FCHO2: variants seen among roughly 807,000 people sequenced by gnomAD.
FCHO2 encodes the protein FCH and mu domain containing endocytic adaptor 2.
FCHO2 carries 43 observed loss-of-function variants against 114.1 expected under a neutral mutation model. That is an observed-to-expected ratio of 0.38 (90% CI 0.30 to 0.49). The LOEUF is 0.49. Among genes scored for constraint, FCHO2 ranks in the 20% least tolerant of loss-of-function variants. The pLI, the probability that FCHO2 is intolerant of heterozygous loss-of-function variation, is 0.97. For synonymous variants in FCHO2, 293 were observed against 315.2 expected (o/e 0.93, Z 0.75); for missense variants, 807 against 950.4 (o/e 0.85, Z 1.98).
intron 24 of FCHO2, 30 bp from the exon 25 acceptor site, chr5:73,087,559 T>G: frequency 6.2e-7 from 1 of 1,608,936 alleles, no homozygotes; most frequent in Non-Finnish European, 8.5e-7. Flanking sequence ...TATTTTACCC[T>G]GTGTAAGTGC....
At chr5:73,021,295 C>T in intron 8 of FCHO2, 1 of 490,154 alleles carries the variant, frequency 2.0e-6, no homozygotes, top group South Asian at 1.9e-5. Context: ...CTGGGGAGCT[C>T]CTATGGGTGC....
At chr5:73,043,338 T>C (rs1319449572) in intron 11 of FCHO2, among the ~76,000 whole-genome samples, 1 of 152,132 alleles carries the variant, frequency 6.6e-6, no homozygotes, top group East Asian at 1.9e-4. Context: ...GTGAGTTCAT[T>C]TTTGACCATG....
At chr5:73,024,862 C>A (rs1446592620) in intron 8 of FCHO2, among the ~76,000 whole-genome samples, 1 of 152,096 alleles carries the variant, frequency 6.6e-6, no homozygotes, top group African/African-American at 2.4e-5. Flanking sequence ...ATATTGTTTT[C>A]AAAAATGATA....
intron 2 of FCHO2, among the ~76,000 whole-genome samples, chr5:72,974,134 G>A (rs371069759): frequency 5.4e-5 from 8 of 148,030 alleles, no homozygotes; most frequent in African/African-American, 2.0e-4. Flanking sequence ...TATGTGGTCA[G>A]TTTTGGAATA....
chr5:73,043,646 A>G (rs550788626), intron 11 of FCHO2, among the ~76,000 whole-genome samples: 1 of 152,334 alleles, frequency 6.6e-6, no homozygotes, highest in South Asian at 2.1e-4. Context: ...AATAGATGTT[A>G]TAAAGGATTA....
intron 5 of FCHO2, chr5:72,997,090 G>T: frequency 8.2e-7 from 1 of 1,223,320 alleles, no homozygotes. Context: ...GCTAGGTGAA[G>T]AGGAAGATCA....
At chr5:73,077,934 T>C (rs1742968982) in intron 21 of FCHO2, among the ~76,000 whole-genome samples, 1 of 152,152 alleles carries the variant, frequency 6.6e-6, no homozygotes, top group Non-Finnish European at 1.5e-5. Flanking sequence ...CTAAACACCT[T>C]TCTGCTGTCT....
chr5:73,087,936 A>C, intron 25 of FCHO2, 132 bp from the exon 26 acceptor site: 1 of 1,401,032 alleles, frequency 7.1e-7, no homozygotes. Flanking sequence ...ATAGCTGAAC[A>C]CCTGTTATCT....
intron 8 of FCHO2, among the ~76,000 whole-genome samples, chr5:73,029,890 C>T (rs1214905153): frequency 6.6e-6 from 1 of 152,164 alleles, no homozygotes; most frequent in East Asian, 1.9e-4. Flanking sequence ...TTAGGCCCCA[C>T]CTCCCACGTG....
At chr5:72,968,049 C>T (rs1752299201) in intron 1 of FCHO2, among the ~76,000 whole-genome samples, 8 of 152,120 alleles carry the variant, frequency 5.3e-5, no homozygotes, top group Admixed American at 5.2e-4. Context: ...CTCGGCCTCC[C>T]AAGTAGCTGG....
chr5:73,028,121 G>A (rs1167413177), intron 8 of FCHO2, among the ~76,000 whole-genome samples: 1 of 152,150 alleles, frequency 6.6e-6, no homozygotes, highest in African/African-American at 2.4e-5. Flanking sequence ...CTTGAGCCCA[G>A]GAGGCAGAGA....
chr5:72,968,580 TA>T lies in FCHO2; in HGVS notation c.118del (p.Arg40GlyfsTer6). 1 of 1,532,372 alleles carries T rather than the reference TA, an allele frequency of 6.5e-7. No homozygotes were observed. The allele number at this position is 1,532,372 out of a possible 1,614,324, so 94.9% of individuals were successfully genotyped here. A position where few individuals can be genotyped will look rare whatever the true frequency, so the allele number is the denominator to read the frequency against. ...TCAACAAAAGAACTAGCAGATTTTG[TA>T]AGGGAACGGTATGTATTTTTTAAAT... ...QISTKELADF[V>X]RERATIEEAY... On this transcript the variant is annotated frameshift_variant, in exon 2 of 26. Coordinates refer to ENST00000430046, the MANE Select transcript of FCHO2 (RefSeq NM_138782.3). LOFTEE classifies it high-confidence loss of function.
intron 22 of FCHO2, 37 bp downstream of exon 22, chr5:73,078,349 A>G: frequency 1.3e-6 from 2 of 1,524,782 alleles, no homozygotes; most frequent in Non-Finnish European, 1.8e-6. Context: ...CTAAATTAAA[A>G]TATTAAAAAA....
At chr5:72,997,906 G>A (rs1754212651) in intron 5 of FCHO2, among the ~76,000 whole-genome samples, 1 of 152,208 alleles carries the variant, frequency 6.6e-6, no homozygotes, top group African/African-American at 2.4e-5. Context: ...CAGAGGCCTA[G>A]GAGAACTAAA....
chr5:73,021,109 A>G, intron 8 of FCHO2: 1 of 792,744 alleles, frequency 1.3e-6, no homozygotes, highest in Non-Finnish European at 2.3e-6. Context: ...CAGTGGGTTG[A>G]TGACAAGTTC....
At chr5:72,998,089 C>T (rs181748463) in intron 5 of FCHO2, among the ~76,000 whole-genome samples, 8 of 151,170 alleles carry the variant, frequency 5.3e-5, no homozygotes, top group African/African-American at 1.9e-4. Flanking sequence ...GTATTAGGGA[C>T]ATGTATGGGG....
At chr5:73,063,778 CT>C in intron 17 of FCHO2, 62 bp from the exon 18 acceptor site, 1 of 1,424,956 alleles carries the variant, frequency 7.0e-7, no homozygotes, top group Non-Finnish European at 9.7e-7. Context: ...AATAGAATGT[CT>C]TTATGTAAGG....
At chr5:73,051,477 G>A (rs1757333703) in intron 12 of FCHO2, 71 bp downstream of exon 12, 7 of 942,330 alleles carry the variant, frequency 7.4e-6, no homozygotes, top group East Asian at 2.8e-5. Context: ...AGAAAATCAT[G>A]TATTAAAGCC....
At chr5:73,057,833 T>A (rs1265887956) in intron 16 of FCHO2, among the ~76,000 whole-genome samples, 1 of 152,154 alleles carries the variant, frequency 6.6e-6, no homozygotes, top group African/African-American at 2.4e-5. Context: ...CCCATTATGA[T>A]AGCCCCCAAG....
Sources: gnomAD v4.1 joint callset for allele counts (sites outside exome capture counted in the v4.1 genomes callset) on GRCh38, gnomAD v4.1.1 for gene constraint, MANE v1.5 for transcripts, NCBI Gene and HGNC (gene_info 2026-07-23, HGNC 2026-07-21) for gene names.